Variants in ARVCF observed in about 807,000 individuals in gnomAD.
ARVCF encodes ARVCF delta catenin family member.
Under a neutral mutation model 90.9 loss-of-function variants are expected in ARVCF, and 66 were observed. The ratio of observed to expected loss-of-function variants is 0.73; its 90% CI spans 0.60 to 0.89. ARVCF has a LOEUF of 0.89. Among genes scored for constraint, ARVCF ranks in the 40% least tolerant of loss-of-function variants. The pLI is 0.00. For synonymous variants in ARVCF, 653 were observed against 603.4 expected, an observed-to-expected ratio of 1.08 and a Z score of -1.21; for missense variants, 1,469 against 1,382.3, an observed-to-expected ratio of 1.06 and a Z score of -1.00.
At chr22:19,975,836 C>A in intron 10 of ARVCF, 79 bp from the exon 11 acceptor site, 1 of 1,501,078 alleles carries the variant, frequency 6.7e-7, no homozygotes. Context: ...GCACAGTTCT[C>A]TCCTACCCAG....
intron 12 of ARVCF, 66 bp downstream of exon 12, chr22:19,974,046 C>A (rs1415913406): frequency 1.3e-6 from 2 of 1,554,398 alleles, no homozygotes; most frequent in Non-Finnish European, 1.7e-6. Flanking sequence ...GCAGGAGCTG[C>A]ACCAGTGAGG....
In ARVCF at chr22:19,981,424, G is replaced by A. The variant is rs767313178; in HGVS notation, c.683C>T (p.Thr228Ile). The A allele has an allele frequency of 4.4e-6, 7 of 1,573,408 alleles. No homozygotes were observed. Among genetic ancestry groups the A allele is most frequent in the Middle Eastern group, 1.7e-4 (1 of 5,952 alleles). ...GAAGGCTTCCCGGTGGCCAGGCAGT[G>A]TGAAGCAGCCATCACCAGGGCCTGG... ...LGPGPGDGCFTLPGHREAFPV... is the reference protein window; with the variant it reads ...LGPGPGDGCFILPGHREAFPV... Residue 228 changes from threonine (T) to isoleucine (I), a missense_variant, in exon 5 of 20, where the codon ACA (threonine) becomes ATA (isoleucine). Transcript: ENST00000263207.
chr22:19,987,005 C>G, intron 3 of ARVCF: 2 of 642,074 alleles, frequency 3.1e-6, no homozygotes, highest in South Asian at 3.3e-5. Context: ...TCCTCCCGGG[C>G]AGGCCGACGC....
chr22:19,980,560 T>C (rs1943435752), intron 5 of ARVCF: 1 of 334,036 alleles, frequency 3.0e-6, no homozygotes, highest in African/African-American at 2.1e-5. Context: ...GTGAGACATC[T>C]GCTATGGCTG....
At position 19,981,542 on chromosome 22, in the gene ARVCF, A is replaced by G. The variant is rs764433186; in HGVS notation, c.565T>C (p.Phe189Leu). 1.3e-6 allele frequency: 2 copies of G among 1,585,724 alleles called. No individual in the cohort carries two copies. Among genetic ancestry groups the G allele is most frequent in the Admixed American group, 3.5e-5 (2 of 57,406 alleles). ...TCCCGGGGCTCGGGGCCTTCGGGAA[A>G]GCCACCCCCACTGCTGAGGTAGGCT... ...SRAYLSSGGG[F>L]PEGPEPRDSP... Residue 189 changes from phenylalanine to leucine, a missense_variant, in exon 5 of 20, where the codon TTT becomes CTT. By Grantham distance (22) the Phe-to-Leu change is conservative (BLOSUM62 0). Coordinates refer to ENST00000263207, the MANE Select transcript of ARVCF (RefSeq NM_001670.3).
At chr22:20,008,108 C>T (rs1198942746) in intron 2 of ARVCF, among the ~76,000 whole-genome samples, 1 of 152,148 alleles carries the variant, frequency 6.6e-6, no homozygotes, top group Non-Finnish European at 1.5e-5. Flanking sequence ...GAAAAATGTG[C>T]AGTAGGCAGA....
chr22:19,968,436 C>T (rs980927997), downstream of ARVCF: 69 of 1,153,762 alleles, frequency 6.0e-5, no homozygotes, highest in East Asian at 9.7e-4. Flanking sequence ...TAGGCACAGG[C>T]GTGGTGCCGT....
At chr22:19,978,133 C>A in intron 7 of ARVCF, 58 bp from the exon 8 acceptor site, 2 of 1,502,738 alleles carry the variant, frequency 1.3e-6, no homozygotes, top group Non-Finnish European at 1.8e-6. Context: ...CCTGGCTCCA[C>A]CCTGGCCTTG....
At position 19,975,748 on chromosome 22, in the gene ARVCF, T is replaced by C. The variant is rs116710238; in HGVS notation, c.1898A>G (p.Asp633Gly). Residue 633 changes from aspartate (D) to glycine (G), a missense_variant, in exon 11 of 20, where the codon GAT (aspartate) becomes GGT (glycine). Physicochemically the swap from Asp to Gly is moderately conservative, Grantham distance 94 (BLOSUM62 -1). Transcript: ENST00000263207. ...GTCAAAGTTCCGGTCCATCTCACCA[T>C]CCTTCTTTCCTGGAAGGGAAAGGTG... Reference protein sequence around the residue: ...KEEWFHQGKKDGEMDRNFDTL... With the variant: ...KEEWFHQGKKGGEMDRNFDTL... 1.2e-6 allele frequency: 2 copies of C among 1,613,548 alleles called. No homozygotes were observed. Among genetic ancestry groups the C allele is most frequent in the Non-Finnish European group, 1.7e-6 (2 of 1,179,944 alleles).
intron 19 of ARVCF, 30 bp downstream of exon 19, chr22:19,971,186 G>C: frequency 6.4e-7 from 1 of 1,551,398 alleles, no homozygotes; most frequent in Non-Finnish European, 8.7e-7. Flanking sequence ...GCAGGAACAG[G>C]TGGACGAACA....
chr22:20,013,527 A>C (rs1019805618), intron 1 of ARVCF, among the ~76,000 whole-genome samples: 1 of 152,178 alleles, frequency 6.6e-6, no homozygotes, highest in Non-Finnish European at 1.5e-5. Context: ...GTGTCTGGGG[A>C]AGGGTCCTGG....
chr22:19,999,579 C>T (rs1184639019), intron 2 of ARVCF, among the ~76,000 whole-genome samples: 3 of 152,222 alleles, frequency 2.0e-5, no homozygotes, highest in African/African-American at 4.8e-5. Context: ...CCTCCAGCTG[C>T]CGTGGCAGGG....
Position 19,981,474 on chromosome 22 carries a change from C to A in ARVCF, c.633G>T (p.Arg211=), listed in dbSNP as rs757356124. ...GGCCAAGGGGGCCAGCACGTGGGGG[C>A]CGCATGCCCAGCCCTCGGGACAGGC... ...YGSLSRGLGM[R]PPRAGPLGPG... Residue 211 remains arginine (R), a synonymous_variant, in exon 5 of 20, where the codon CGG becomes CGT. Transcript: ENST00000263207. 6.5e-7 allele frequency: 1 copy of A among 1,544,544 alleles called. No homozygotes were observed. Among genetic ancestry groups the A allele is most frequent in the Non-Finnish European group, 8.7e-7 (1 of 1,147,436 alleles).
At chr22:19,979,107 G>A in intron 6 of ARVCF, 27 bp from the exon 7 acceptor site, 1 of 1,599,798 alleles carries the variant, frequency 6.3e-7, no homozygotes, top group Non-Finnish European at 8.5e-7. Context: ...GCCAATCTGT[G>A]CTGACCATAT....
rs374932781 is a variant in ARVCF at position 19,977,459 on chromosome 22, C to T, written c.1826G>A (p.Arg609Gln). ...PLGSAVGSQR[R>Q]RRDDASCFGG... ...AAAGCAGCTGGCATCATCCCGCCTC[C>T]GGCGCTGGGAGCCTACAGCACTGCC... Residue 609 changes from arginine (R) to glutamine (Q), a missense_variant, in exon 9 of 20, where the codon CGG becomes CAG. Arg to Gln is a conservative substitution (Grantham distance 43, BLOSUM62 1). Transcript: ENST00000263207. 8.2e-5 allele frequency: 128 copies of T among 1,564,320 alleles called. No homozygotes were observed. The highest frequency in any genetic ancestry group is 9.9e-5 in the Admixed American group (5 of 50,722).
intron 3 of ARVCF, among the ~76,000 whole-genome samples, chr22:19,986,423 C>T (rs1943768025): frequency 6.6e-6 from 1 of 152,198 alleles, no homozygotes; most frequent in South Asian, 2.1e-4. Context: ...CCTATGCCTC[C>T]CCCCACCTCA....
chr22:19,969,672 C>A, downstream of ARVCF: 1 of 227,564 alleles, frequency 4.4e-6, no homozygotes, highest in Non-Finnish European at 7.3e-6. Context: ...GGGCTCAAGG[C>A]CTGGCTAGCC....
At chr22:19,997,211 G>T (rs1016384365) in intron 2 of ARVCF, among the ~76,000 whole-genome samples, 7 of 152,206 alleles carry the variant, frequency 4.6e-5, no homozygotes, top group African/African-American at 1.7e-4. Flanking sequence ...GAAGCCTAAG[G>T]TTAGGGCAAG....
intron 6 of ARVCF, chr22:19,979,505 G>A (rs960453740): frequency 6.3e-6 from 4 of 638,116 alleles, no homozygotes; most frequent in Admixed American, 3.1e-5. Flanking sequence ...AAGGCAGGAG[G>A]TGAGGGGACA....
Sources: allele counts gnomAD v4.1 joint callset (sites outside exome capture counted in the v4.1 genomes callset), GRCh38; gene constraint gnomAD v4.1.1; transcripts MANE v1.5; gene names NCBI Gene and HGNC (gene_info 2026-07-23, HGNC 2026-07-21).